The following NCKAP5 variants were observed in gnomAD, a reference collection of about 807,000 sequenced individuals.
NCKAP5 encodes NCK associated protein 5.
Under a neutral mutation model 167.0 loss-of-function variants are expected in NCKAP5, and 92 were observed. That is an observed-to-expected ratio of 0.55 (90% CI 0.47 to 0.66). The LOEUF (loss-of-function observed/expected upper bound fraction) is 0.66, where lower values mean the gene tolerates loss of function less well. Ranked by LOEUF, NCKAP5 falls within the 30% of genes least tolerant of loss-of-function variation. The pLI is 0.00. For synonymous variants in NCKAP5, 891 were observed against 877.4 expected (o/e 1.02, Z -0.27); for missense variants, 2,378 against 2,315.0 (o/e 1.03, Z -0.56).
chr2:133,356,557 G>A (rs1684729452), intron 3 of NCKAP5, among the ~76,000 whole-genome samples: 1 of 152,162 alleles, frequency 6.6e-6, no homozygotes, highest in Non-Finnish European at 1.5e-5. Flanking sequence ...TACTTCCCTA[G>A]AGTTAAAGGA....
chr2:132,922,131 T>C (rs1469876312), intron 8 of NCKAP5, among the ~76,000 whole-genome samples: 1 of 152,210 alleles, frequency 6.6e-6, no homozygotes, highest in Non-Finnish European at 1.5e-5. Context: ...GAGCTACTTC[T>C]GAGTAAATAC....
intron 5 of NCKAP5, among the ~76,000 whole-genome samples, chr2:133,190,625 A>G (rs2085172480): frequency 6.6e-6 from 1 of 152,158 alleles, no homozygotes; most frequent in Non-Finnish European, 1.5e-5. Flanking sequence ...ACACATCTAC[A>G]ACTATCTGAT....
At chr2:133,367,570 A>G (rs1331024602) in intron 3 of NCKAP5, among the ~76,000 whole-genome samples, 1 of 152,214 alleles carries the variant, frequency 6.6e-6, no homozygotes, top group African/African-American at 2.4e-5. Context: ...TATAGATCAC[A>G]TAAGTCTGGA....
At position 133,548,545 on chromosome 2, in the gene NCKAP5, C is replaced by A. The variant is rs1414377280; in HGVS notation, c.-62+10505G>T. Among the ~76,000 whole-genome samples the A allele has an allele frequency of 2.0e-5, 3 of 151,872 alleles. 1 individual carries two copies. The highest frequency in any genetic ancestry group is 7.3e-5 in the African/African-American group (3 of 41,246). Reference sequence around the variant, plus strand: ...AGCGGATCTCTCGGCAGAAACCCTACAAGCCAGAACAGAGTGGGGGCCAAT... The same window carrying A: ...AGCGGATCTCTCGGCAGAAACCCTAAAAGCCAGAACAGAGTGGGGGCCAAT... On this transcript the variant is annotated intron_variant, in intron 2 of 19. Coordinates refer to ENST00000409261, the MANE Select transcript of NCKAP5 (RefSeq NM_207363.3).
intron 19 of NCKAP5, among the ~76,000 whole-genome samples, chr2:132,692,652 A>G (rs1292132413): frequency 1.3e-5 from 2 of 152,192 alleles, no homozygotes; most frequent in African/African-American, 4.8e-5. Flanking sequence ...ACTGTGAAAA[A>G]CAAGTGGCAC....
intron 3 of NCKAP5, among the ~76,000 whole-genome samples, chr2:133,373,880 A>C (rs1374044005): frequency 6.6e-6 from 1 of 152,266 alleles, no homozygotes; most frequent in Non-Finnish European, 1.5e-5. Flanking sequence ...CATGCCAAAA[A>C]GTGAATCTAG....
intron 6 of NCKAP5, among the ~76,000 whole-genome samples, chr2:133,033,922 G>A (rs1222509663): frequency 6.6e-6 from 1 of 151,948 alleles, no homozygotes; most frequent in Non-Finnish European, 1.5e-5. Context: ...TTAAAGAAGA[G>A]GTAGAAAAAG....
At chr2:132,948,717 A>T (rs1558977801) in intron 8 of NCKAP5, among the ~76,000 whole-genome samples, 1 of 152,172 alleles carries the variant, frequency 6.6e-6, no homozygotes, top group Non-Finnish European at 1.5e-5. Context: ...AATGGGAACA[A>T]GGCCTCGTGG....
chr2:133,579,280 C>G, the NCKAP5 span, among the ~76,000 whole-genome samples: 51 of 152,278 alleles, frequency 3.3e-4, 1 homozygote, highest in Non-Finnish European at 5.7e-4. Flanking sequence ...TCTAAAGTCT[C>G]CACCAAACTG....
intron 16 of NCKAP5, among the ~76,000 whole-genome samples, chr2:132,773,543 T>C (rs1574154885): frequency 6.6e-6 from 1 of 152,230 alleles, no homozygotes; most frequent in East Asian, 1.9e-4. Context: ...GAAACTGGAT[T>C]ACTCAGTATC....
At chr2:133,112,174 C>A (rs545906134) in intron 6 of NCKAP5, among the ~76,000 whole-genome samples, 29 of 152,260 alleles carry the variant, frequency 1.9e-4, no homozygotes, top group African/African-American at 7.0e-4. Flanking sequence ...GTTTATTCAT[C>A]TTTAAAATAG....
intron 3 of NCKAP5, among the ~76,000 whole-genome samples, chr2:133,503,348 C>T (rs1257917724): frequency 2.0e-5 from 3 of 152,294 alleles, no homozygotes; most frequent in Non-Finnish European, 2.9e-5. Context: ...TGACTTTTAA[C>T]TTTCTCAAAC....
At chr2:132,948,132 G>GT (rs1348218739) in intron 8 of NCKAP5, among the ~76,000 whole-genome samples, 1 of 151,942 alleles carries the variant, frequency 6.6e-6, no homozygotes, top group African/African-American at 2.4e-5. Context: ...AATGATGACA[G>GT]TTTTTTTTAT....
chr2:133,067,922 A>T (rs1185890616), intron 6 of NCKAP5, among the ~76,000 whole-genome samples: 3 of 152,168 alleles, frequency 2.0e-5, no homozygotes, highest in Non-Finnish European at 4.4e-5. Flanking sequence ...AGTGTCCTCA[A>T]TTGGGATAAT....
At chr2:133,456,627 T>G (rs1192821521) in intron 3 of NCKAP5, among the ~76,000 whole-genome samples, 23 of 152,158 alleles carry the variant, frequency 1.5e-4, no homozygotes, top group Admixed American at 1.5e-3. Flanking sequence ...TGTACACAAC[T>G]CCTAGTTGAT....
intron 8 of NCKAP5, among the ~76,000 whole-genome samples, chr2:132,903,905 T>TA (rs200193227): frequency 0.025 from 3,768 of 152,290 alleles, 74 homozygotes; most frequent in South Asian, 0.058. Flanking sequence ...TTCAGGGGTA[T>TA]AAAATATACA....
chr2:132,709,262 T>C (rs1362484078), intron 19 of NCKAP5, among the ~76,000 whole-genome samples: 2 of 151,646 alleles, frequency 1.3e-5, no homozygotes, highest in Non-Finnish European at 2.9e-5. Flanking sequence ...AACAGAAACA[T>C]CAAAAATGAA....
intron 6 of NCKAP5, among the ~76,000 whole-genome samples, chr2:133,006,624 TTA>T (rs570191823): frequency 0.072 from 4,753 of 65,614 alleles, 95 homozygotes; most frequent in South Asian, 0.15. Context: ...TTATTTTATT[TTA>T]TTTTTTTTTT....
At chr2:133,479,081 A>G (rs567767369) in intron 3 of NCKAP5, among the ~76,000 whole-genome samples, 1 of 152,336 alleles carries the variant, frequency 6.6e-6, no homozygotes, top group South Asian at 2.1e-4. Context: ...CATGTGTCAC[A>G]AGGGTTTGCA....
Sources: allele counts gnomAD v4.1 joint callset (sites outside exome capture counted in the v4.1 genomes callset), GRCh38; gene constraint gnomAD v4.1.1; transcripts MANE v1.5; gene names NCBI Gene and HGNC (gene_info 2026-07-23, HGNC 2026-07-21).